TBXT: variants seen among roughly 807,000 people sequenced by gnomAD.
TBXT encodes the protein T-box transcription factor T, also known as T brachyury transcription factor.
In TBXT, 19 loss-of-function variants were observed where a neutral mutation model predicts 41.1. The ratio of observed to expected loss-of-function variants is 0.46; its 90% CI spans 0.32 to 0.68. TBXT has a LOEUF of 0.68. Among genes scored for constraint, TBXT ranks in the 30% least tolerant of loss-of-function variants. TBXT has a pLI of 0.03. For synonymous variants in TBXT, 213 were observed against 238.9 expected (o/e 0.89, Z 1.00); for missense variants, 536 against 582.0 (o/e 0.92, Z 0.81).
chr6:166,164,916 A>T, intron 3 of TBXT, 55 bp from the exon 4 acceptor site: 1 of 1,466,536 alleles, frequency 6.8e-7, no homozygotes, highest in Non-Finnish European at 9.5e-7. Context: ...CAGGGGATTT[A>T]ATTTGGCACC....
chr6:166,167,197 A>G (rs899178188), intron 1 of TBXT, among the ~76,000 whole-genome samples, 189 bp downstream of exon 1: 1 of 152,234 alleles, frequency 6.6e-6, no homozygotes, highest in Non-Finnish European at 1.5e-5. Flanking sequence ...CTCCTCCCCA[A>G]GCTTCCGCGG....
intron 6 of TBXT, 103 bp downstream of exon 6, chr6:166,162,344 A>G: frequency 7.4e-7 from 1 of 1,357,482 alleles, no homozygotes; most frequent in Non-Finnish European, 1.0e-6. Flanking sequence ...GTTCCAGAAA[A>G]CCGTCTCCAT....
At chr6:166,161,183 C>G (rs929736075) in intron 6 of TBXT, among the ~76,000 whole-genome samples, 4 of 152,172 alleles carry the variant, frequency 2.6e-5, no homozygotes. Flanking sequence ...CCCTGGTAAA[C>G]CCAAGCTTTT....
At chr6:166,159,722 T>A (rs1490590114) in intron 7 of TBXT, among the ~76,000 whole-genome samples, 1 of 152,260 alleles carries the variant, frequency 6.6e-6, no homozygotes, top group Non-Finnish European at 1.5e-5. Context: ...ATCACCATAC[T>A]GTTTTAAACA....
Position 166,166,781 on chromosome 6 carries a change from G to A in TBXT, c.282C>T (p.Phe94=). ...PNAMYSFLLD[F]VAADNHRWKY... is the part of the protein sequence containing the mutation. Reference sequence around the variant, plus strand: ...TCCAGCGGTGGTTGTCCGCCGCCACGAAGTCCAGCAGGAAGGAGTACATGG... The same window carrying A: ...TCCAGCGGTGGTTGTCCGCCGCCACAAAGTCCAGCAGGAAGGAGTACATGG... The change falls in exon 2 of 8, where the codon TTC becomes TTT. Residue 94 remains phenylalanine (F), a synonymous_variant. Transcript: ENST00000366876. The A allele has an allele frequency of 2.5e-6, 4 of 1,613,830 alleles. No homozygotes were observed. The highest frequency in any genetic ancestry group is 3.4e-6 in the Non-Finnish European group (4 of 1,180,022).
intron 2 of TBXT, 144 bp downstream of exon 2, chr6:166,166,448 C>A: frequency 1.5e-6 from 2 of 1,319,818 alleles, no homozygotes; most frequent in Non-Finnish European, 1.1e-6. Context: ...CGCTAAAGGC[C>A]TTATTAGAGA....
chr6:166,162,588 A>G lies in TBXT; in HGVS notation c.766T>C (p.Cys256Arg). 2.5e-6 allele frequency: 4 copies of G among 1,614,056 alleles called. No homozygotes were observed. Among genetic ancestry groups the G allele is most frequent in the Non-Finnish European group, 3.4e-6 (4 of 1,179,960 alleles). ...GWLLPGTSTL[C>R]PPANPHPQFG... ...TGAGGATGAGGATTTGCAGGTGGAC[A>G]CAGGGTGCTGGTTCCAGGAAGAAGC... Residue 256 changes from cysteine to arginine, a missense_variant, in exon 6 of 8, where the codon TGT (cysteine) becomes CGT (arginine). Physicochemically the swap from Cys to Arg is radical, Grantham distance 180. Coordinates refer to ENST00000366876, the MANE Select transcript of TBXT (RefSeq NM_001366285.2).
At chr6:166,166,973 G>A (rs893168975) in intron 1 of TBXT, 117 bp from the exon 2 acceptor site, 6 of 1,542,432 alleles carry the variant, frequency 3.9e-6, no homozygotes, top group South Asian at 1.1e-5. Flanking sequence ...CCTGGGGAAC[G>A]TCCGAGGGTG....
At position 166,165,849 on chromosome 6, in the gene TBXT, G is replaced by A; in HGVS notation, c.472-9C>T. 6.2e-7 allele frequency: 1 copy of A among 1,614,148 alleles called. No homozygotes were observed. Among genetic ancestry groups the A allele is most frequent in the African/African-American group, 1.3e-5 (1 of 75,048 alleles). On this transcript the variant is annotated splice_polypyrimidine_tract_variant and intron_variant, in intron 2 of 7. Transcript: ENST00000366876. Reference sequence around the variant, plus strand: ...AAGGAGTTCAGCATGATCTGAGGGAGACAGATACAGGATTGGTGGCACTGA... The same window carrying A: ...AAGGAGTTCAGCATGATCTGAGGGAAACAGATACAGGATTGGTGGCACTGA...
In TBXT at chr6:166,160,984, C is replaced by A. The variant is rs112801545; in HGVS notation, c.908-18G>T. 1,032 of 1,613,338 alleles carry A rather than the reference C, an allele frequency of 6.4e-4. 18 individuals carry two copies. In the East Asian group the frequency reaches 0.019, roughly 29 times the overall value. The stretch of plus-strand genomic sequence containing the variant: ...AGAATAGGCTAAGGGGGGAAGGTAA[C>A]AAAGTGCAATTATAGATGGTGTCTT... On this transcript the variant is annotated intron_variant, in intron 6 of 7. Coordinates refer to ENST00000366876, the MANE Select transcript of TBXT (RefSeq NM_001366285.2).
At position 166,162,531 on chromosome 6, in the gene TBXT, G is replaced by A; in HGVS notation, c.823C>T (p.His275Tyr). 2 of 1,614,168 alleles carry A rather than the reference G, an allele frequency of 1.2e-6. No homozygotes were observed. The highest frequency in any genetic ancestry group is 1.7e-6 in the Non-Finnish European group (2 of 1,180,022). Residue 275 changes from histidine to tyrosine, a missense_variant, in exon 6 of 8, where the codon CAC (histidine) becomes TAC (tyrosine). Physicochemically the swap from His to Tyr is moderately conservative, Grantham distance 83. Coordinates refer to ENST00000366876, the MANE Select transcript of TBXT (RefSeq NM_001366285.2). ...FGGALSLPST[H>Y]SCDRYPTLRS... The stretch of plus-strand genomic sequence containing the variant: ...AGGGTTGGGTACCTGTCACAGCTGT[G>A]CGTGGAGGGGAGGGAGAGGGCACCT...
In TBXT at chr6:166,165,740, T is replaced by C. The variant is rs752074396; in HGVS notation, c.572A>G (p.Gln191Arg). The change falls in exon 3 of 8, where the codon CAG (glutamine) becomes CGG (arginine). Residue 191 changes from glutamine to arginine, a missense_variant. By Grantham distance (43) the Gln-to-Arg change is conservative. Transcript: ENST00000366876. ...MITSHCFPET[Q>R]FIAVTAYQNE... ...CTGATAAGCAGTCACCGCTATGAAC[T>C]GGGTCTCAGGGAAGCAGTGGCTGGT... The C allele has an allele frequency of 1.9e-5, 30 of 1,614,090 alleles. No individual in the cohort carries two copies. In the South Asian group the frequency reaches 3.2e-4, roughly 17 times the overall value.
rs569642624 is a variant in TBXT, at chr6:166,160,818, G to A, written c.1037+19C>T. Reference sequence around the variant, plus strand: ...AGAGCTCCCAGGATGCTTTGCACCAGGTCCTGGACATACATTACCTGGAGC... The same window carrying A: ...AGAGCTCCCAGGATGCTTTGCACCAAGTCCTGGACATACATTACCTGGAGC... On this transcript the variant is annotated intron_variant, in intron 7 of 7. Transcript: ENST00000366876. 65 of 1,613,994 alleles carry A rather than the reference G, an allele frequency of 4.0e-5. No individual in the cohort carries two copies. In the South Asian group the frequency reaches 6.6e-4, roughly 16 times the overall value.
In TBXT at chr6:166,158,605, C is replaced by T; in HGVS notation, c.1038-17G>A. 1 of 1,498,570 alleles carries T rather than the reference C, an allele frequency of 6.7e-7. No individual in the cohort carries two copies. Among genetic ancestry groups the T allele is most frequent in the Non-Finnish European group, 8.9e-7 (1 of 1,119,922 alleles). The allele number at this position is 1,498,570 out of a possible 1,614,324, so 92.8% of individuals were successfully genotyped here. A position where few individuals can be genotyped will look rare whatever the true frequency, so the allele number is the denominator to read the frequency against. ...GGGTACTGACTGCAACAGAAAGACA[C>T]CAGTGAGCAGGGCCTGGGCAGGGGC... On this transcript the variant is annotated splice_polypyrimidine_tract_variant and intron_variant, in intron 7 of 7. Transcript: ENST00000366876.
intron 3 of TBXT, among the ~76,000 whole-genome samples, chr6:166,165,195 G>A (rs762590731): frequency 1.5e-4 from 23 of 152,060 alleles, no homozygotes; most frequent in African/African-American, 5.3e-4. Flanking sequence ...TCTAGTTTTC[G>A]GTCAACGTCA....
intron 5 of TBXT, among the ~76,000 whole-genome samples, chr6:166,163,758 A>G (rs150201624): frequency 6.6e-4 from 100 of 152,340 alleles, no homozygotes; most frequent in African/African-American, 2.2e-3. Context: ...CTGTGGCTTC[A>G]ATTTCCAAAC....
rs1166754334 is a variant in TBXT at position 166,158,344 on chromosome 6, A to C, written c.1282T>G (p.Trp428Gly). 1.2e-6 allele frequency: 2 copies of C among 1,614,238 alleles called. No individual in the cohort carries two copies. The highest frequency in any genetic ancestry group is 2.2e-5 in the South Asian group (2 of 91,086). ...AAAQGRLIAS[W>G]TPVSPPSM ...ATGGAAGGTGGCGACACAGGTGTCCATGAGGCTATGAGGCGGCCTTGGGCT... is the reference window on the plus strand; with the variant it reads ...ATGGAAGGTGGCGACACAGGTGTCCCTGAGGCTATGAGGCGGCCTTGGGCT... The change falls in exon 8 of 8, where the codon TGG (tryptophan) becomes GGG (glycine). Residue 428 changes from tryptophan (W) to glycine (G), a missense_variant. Coordinates refer to ENST00000366876, the MANE Select transcript of TBXT (RefSeq NM_001366285.2).
rs761403739 is a variant in TBXT, at chr6:166,164,609, G to C, written c.726C>G (p.Ser242=). The stretch of plus-strand genomic sequence containing the variant: ...ACAGAGTGCAACAAACCGTACATTG[G>C]GAGTACCCAGGTTGCTGGCTGTCTC... ...EPGDSQQPGY[S]QSGGWLLPGT... is the part of the protein sequence containing the mutation. The change falls in exon 5 of 8, where the codon TCC becomes TCG. Residue 242 remains serine (S), a synonymous_variant. Transcript: ENST00000366876. The C allele has an allele frequency of 6.2e-7, 1 of 1,614,050 alleles. No individual in the cohort carries two copies. The highest frequency in any genetic ancestry group is 1.7e-5 in the Admixed American group (1 of 60,018).
At chr6:166,165,680 A>G in intron 3 of TBXT, 26 bp downstream of exon 3, 2 of 1,613,340 alleles carry the variant, frequency 1.2e-6, no homozygotes, top group Non-Finnish European at 1.7e-6. Context: ...CACACCGGGA[A>G]AGCGATCCGC....
Sources: gnomAD v4.1 joint callset for allele counts (sites outside exome capture counted in the v4.1 genomes callset) on GRCh38, gnomAD v4.1.1 for gene constraint, MANE v1.5 for transcripts, NCBI Gene and HGNC (gene_info 2026-07-23, HGNC 2026-07-21) for gene names.